The following DAB1 variants were observed in gnomAD, a reference collection of about 807,000 sequenced individuals.
DAB1 encodes the protein disabled homolog 1.
A neutral mutation model predicts 64.6 loss-of-function variants in DAB1; 15 were observed. The ratio of observed to expected loss-of-function variants is 0.23; its 90% CI spans 0.16 to 0.36. The LOEUF (loss-of-function observed/expected upper bound fraction) is 0.36, where lower values mean the gene tolerates loss of function less well. Among genes scored for constraint, DAB1 ranks in the 10% least tolerant of loss-of-function variants. The pLI, the probability that DAB1 is intolerant of heterozygous loss-of-function variation, is 1.00. For synonymous variants in DAB1, 235 were observed against 251.9 expected, an observed-to-expected ratio of 0.93 and a Z score of 0.64; for missense variants, 596 against 706.7, an observed-to-expected ratio of 0.84 and a Z score of 1.78.
chr1:57,444,609 C>T (rs1035887576), intron 7 of DAB1, among the ~76,000 whole-genome samples: 1 of 152,052 alleles, frequency 6.6e-6, no homozygotes, highest in Non-Finnish European at 1.5e-5. Context: ...TAGGTGAGCC[C>T]TAAATCCAAT....
chr1:57,780,173 T>G (rs1299119357), intron 6 of DAB1, among the ~76,000 whole-genome samples: 1 of 152,106 alleles, frequency 6.6e-6, no homozygotes, highest in Non-Finnish European at 1.5e-5. Flanking sequence ...CTCTTAAATT[T>G]AAAAATATAT....
intron 7 of DAB1, among the ~76,000 whole-genome samples, chr1:57,596,512 C>A (rs971478789): frequency 6.6e-6 from 1 of 151,630 alleles, no homozygotes; most frequent in Non-Finnish European, 1.5e-5. Context: ...TTTAAAGAGC[C>A]GATTACATGC....
chr1:57,184,783 G>A (rs1402114202), intron 2 of DAB1, among the ~76,000 whole-genome samples: 2 of 152,004 alleles, frequency 1.3e-5, no homozygotes, highest in Non-Finnish European at 2.9e-5. Flanking sequence ...ACTCACTCCT[G>A]TGCCCATAAA....
At chr1:58,228,753 A>T (rs1659626354) in intron 4 of DAB1, 1 of 954,980 alleles carries the variant, frequency 1.0e-6, no homozygotes, top group Non-Finnish European at 1.6e-6. Flanking sequence ...GCCCACGTTG[A>T]TGGCATAGGT....
chr1:57,187,780 T>G (rs1557896712), intron 2 of DAB1, among the ~76,000 whole-genome samples: 1 of 146,944 alleles, frequency 6.8e-6, no homozygotes, highest in Admixed American at 6.8e-5. Flanking sequence ...TGCAGGTAAG[T>G]TCTCAACCAT....
intron 1 of DAB1, among the ~76,000 whole-genome samples, chr1:57,319,258 G>A (rs1346138415): frequency 1.3e-5 from 2 of 152,120 alleles, no homozygotes; most frequent in Non-Finnish European, 2.9e-5. Context: ...CTTCTTCCTG[G>A]CAGAGCTCAT....
intron 4 of DAB1, among the ~76,000 whole-genome samples, chr1:58,342,703 A>T (rs1643953669): frequency 6.6e-6 from 1 of 152,140 alleles, no homozygotes; most frequent in South Asian, 2.1e-4. Flanking sequence ...AATCCAAACA[A>T]AAATCCTGGA....
chr1:57,017,095 C>T (rs1646459854), intron 11 of DAB1, among the ~76,000 whole-genome samples: 1 of 152,076 alleles, frequency 6.6e-6, no homozygotes, highest in South Asian at 2.1e-4. Context: ...ACCTCCTTGC[C>T]TTCTATTTGA....
intron 2 of DAB1, among the ~76,000 whole-genome samples, chr1:57,239,867 C>T (rs1162194255): frequency 1.3e-5 from 2 of 152,180 alleles, no homozygotes; most frequent in African/African-American, 2.4e-5. Context: ...TTTATCTGCC[C>T]GTCCAGGCAA....
At chr1:57,573,543 T>A (rs567634674) in intron 7 of DAB1, among the ~76,000 whole-genome samples, 65 of 152,210 alleles carry the variant, frequency 4.3e-4, no homozygotes, top group Non-Finnish European at 7.8e-4. Context: ...ATGTTATTGC[T>A]CTAAACAAAT....
At chr1:57,767,198 C>T (rs1226831921) in intron 6 of DAB1, among the ~76,000 whole-genome samples, 3 of 152,086 alleles carry the variant, frequency 2.0e-5, no homozygotes. Flanking sequence ...CTTTAGTCAC[C>T]TGGTTGGATC....
intron 5 of DAB1, among the ~76,000 whole-genome samples, chr1:57,927,194 G>A (rs1644891959): frequency 6.6e-6 from 1 of 152,156 alleles, no homozygotes; most frequent in Admixed American, 6.5e-5. Flanking sequence ...CAAAGACCTT[G>A]CTAATTCTCT....
At chr1:58,372,564 T>C (rs1162171737) in intron 3 of DAB1, among the ~76,000 whole-genome samples, 2 of 152,162 alleles carry the variant, frequency 1.3e-5, no homozygotes, top group East Asian at 3.9e-4. Context: ...TTGTGAAATA[T>C]GAAAAGGACA....
chr1:57,085,786 G>A (rs953347913), intron 4 of DAB1, among the ~76,000 whole-genome samples: 1 of 152,132 alleles, frequency 6.6e-6, no homozygotes, highest in Non-Finnish European at 1.5e-5. Context: ...GACACTTGGG[G>A]GCGGGGGGTG....
chr1:57,823,575 C>A (rs1652218131), downstream of DAB1, among the ~76,000 whole-genome samples: 1 of 152,120 alleles, frequency 6.6e-6, no homozygotes, highest in Admixed American at 6.5e-5. Context: ...GCTAAGACTA[C>A]CAGCTTCCTC....
At chr1:58,264,937 C>T (rs1557718186) in intron 4 of DAB1, among the ~76,000 whole-genome samples, 1 of 152,110 alleles carries the variant, frequency 6.6e-6, no homozygotes, top group Non-Finnish European at 1.5e-5. Context: ...TTGCACGGTC[C>T]TAGAAGAAAG....
At chr1:57,553,625 C>G (rs1644953439) in intron 7 of DAB1, among the ~76,000 whole-genome samples, 1 of 151,894 alleles carries the variant, frequency 6.6e-6, no homozygotes, top group African/African-American at 2.4e-5. Context: ...GAGCTAAGAT[C>G]ACACCACTGC....
intron 6 of DAB1, among the ~76,000 whole-genome samples, chr1:57,802,816 A>G (rs1377271520): frequency 6.6e-6 from 1 of 152,202 alleles, no homozygotes; most frequent in African/African-American, 2.4e-5. Context: ...CTGTGAGCCA[A>G]TTAAACCTCT....
intron 7 of DAB1, among the ~76,000 whole-genome samples, chr1:57,487,393 T>C (rs552308188): frequency 4.9e-4 from 74 of 152,328 alleles, no homozygotes; most frequent in Non-Finnish European, 8.7e-4. Flanking sequence ...CTGTGAACTC[T>C]GGTGGGGGCC....
Sources: allele counts gnomAD v4.1 joint callset (sites outside exome capture counted in the v4.1 genomes callset), GRCh38; gene constraint gnomAD v4.1.1; transcripts MANE v1.5; gene names NCBI Gene and HGNC (gene_info 2026-07-23, HGNC 2026-07-21).